The following SEC31B variants were observed in gnomAD, a reference collection of about 807,000 sequenced individuals.
SEC31B encodes the protein SEC31 homolog B, COPII component, also known as protein transport protein Sec31B.
A neutral mutation model predicts 135.0 loss-of-function variants in SEC31B; 113 were observed. That is an observed-to-expected ratio of 0.84 (90% CI 0.72 to 0.98). SEC31B has a LOEUF of 0.98. SEC31B is among the 50% of genes least tolerant of loss of function. SEC31B has a pLI of 0.00. For synonymous variants in SEC31B, 508 were observed against 549.4 expected (o/e 0.92, Z 1.05); for missense variants, 1,296 against 1,421.1 (o/e 0.91, Z 1.42).
chr10:100,505,942 C>A, intron 9 of SEC31B, 98 bp downstream of exon 9: 1 of 1,571,836 alleles, frequency 6.4e-7, no homozygotes. Context: ...GCCCTGGTCT[C>A]CCAATCTCCA....
At chr10:100,506,450 T>C (rs1183914633) in intron 7 of SEC31B, 30 bp from the exon 8 acceptor site, 1 of 1,603,330 alleles carries the variant, frequency 6.2e-7, no homozygotes, top group Admixed American at 1.7e-5. Flanking sequence ...GGAACTAGCA[T>C]TTGTTGAATG....
At chr10:100,517,142 A>T in intron 1 of SEC31B, 145 bp from the exon 2 acceptor site, 2 of 588,122 alleles carry the variant, frequency 3.4e-6, no homozygotes, top group South Asian at 4.1e-5. Context: ...AGATCTAAAG[A>T]TAGTTCATTC....
rs991639140 is a variant in SEC31B, at chr10:100,495,401, G to T, written c.2456C>A (p.Ser819Tyr). 1.2e-6 allele frequency: 2 copies of T among 1,613,788 alleles called. No individual in the cohort carries two copies. The highest frequency in any genetic ancestry group is 1.7e-5 in the Admixed American group (1 of 59,978). Residue 819 changes from serine to tyrosine, a missense_variant, in exon 19 of 26, where the codon TCC becomes TAC. Coordinates refer to ENST00000370345, the MANE Select transcript of SEC31B (RefSeq NM_015490.4). ...AGGTCTTACCTGGTGAGAAGGCTGG[G>T]ATCCCAATCTGTAAGATGATGTCTC... ...SKETSSYRLG[S>Y]QPSHQVPTPS...
intron 3 of SEC31B, among the ~76,000 whole-genome samples, chr10:100,514,984 A>T (rs2133699091): frequency 6.7e-6 from 1 of 149,456 alleles, no homozygotes; most frequent in South Asian, 2.1e-4. Context: ...CCATCTCAAA[A>T]AAAAAAAAAA....
intron 24 of SEC31B, among the ~76,000 whole-genome samples, chr10:100,488,322 G>A (rs1160625228): frequency 1.3e-5 from 2 of 152,092 alleles, no homozygotes; most frequent in African/African-American, 4.8e-5. Flanking sequence ...AGCCGGGTAT[G>A]GAGGTGGGCA....
rs1320499249 is a variant in SEC31B at position 100,506,391 on chromosome 10, G to C, written c.812C>G (p.Ala271Gly). Reference sequence around the variant, plus strand: ...ACTAGTGAGCAGCAGCTCAGCATCAGCCTGGCTCCATGACACTGACAAGAT... The same window carrying C: ...ACTAGTGAGCAGCAGCTCAGCATCACCCTGGCTCCATGACACTGACAAGAT... The part of the protein sequence containing the change: ...RGILSVSWSQ[A>G]DAELLLTSAK... The change falls in exon 8 of 26, where the codon GCT becomes GGT. Residue 271 changes from alanine to glycine, a missense_variant. Ala to Gly is a moderately conservative substitution (Grantham distance 60, BLOSUM62 0). Coordinates refer to ENST00000370345, the MANE Select transcript of SEC31B (RefSeq NM_015490.4). 1 of 1,614,040 alleles carries C rather than the reference G, an allele frequency of 6.2e-7. No individual in the cohort carries two copies. Among genetic ancestry groups the C allele is most frequent in the African/African-American group, 1.3e-5 (1 of 74,898 alleles).
rs778208381 is a variant in SEC31B, at chr10:100,490,334, C to T, written c.2651-12G>A. ...TGGCTGAGATGAAGCTGAAGCAGAA[C>T]AGAAATAGGTCATTTGTCACTAAAC... is the stretch of plus-strand genomic sequence containing the variant. On this transcript the variant is annotated splice_polypyrimidine_tract_variant and intron_variant, in intron 20 of 25. Transcript: ENST00000370345. 2.5e-6 allele frequency: 4 copies of T among 1,607,942 alleles called. No homozygotes were observed. The highest frequency in any genetic ancestry group is 3.4e-6 in the Non-Finnish European group (4 of 1,177,060).
At position 100,495,450 on chromosome 10, in the gene SEC31B, C is replaced by T; in HGVS notation, c.2407G>A (p.Val803Met). ...TCTTTAGAGTGGAGGGTAGCTCCCA[C>T]AACAATCCGGGGGAAGGGGAAAGGG... Reference protein sequence around the residue: ...SPPFPFPRIVVGATLHSKETS... With the variant: ...SPPFPFPRIVMGATLHSKETS... The change falls in exon 19 of 26, where the codon GTG becomes ATG. Residue 803 changes from valine to methionine, a missense_variant. Coordinates refer to ENST00000370345, the MANE Select transcript of SEC31B (RefSeq NM_015490.4). 6.2e-7 allele frequency: 1 copy of T among 1,613,808 alleles called. No homozygotes were observed. Among genetic ancestry groups the T allele is most frequent in the Non-Finnish European group, 8.5e-7 (1 of 1,179,874 alleles).
At position 100,488,853 on chromosome 10, in the gene SEC31B, C is replaced by CAGTA; in HGVS notation, c.3288+4_3288+5insTACT. 4.4e-6 allele frequency: 7 copies of CAGTA among 1,583,478 alleles called. No individual in the cohort carries two copies. The highest frequency in any genetic ancestry group is 5.1e-6 in the Non-Finnish European group (6 of 1,165,722). On this transcript the variant is annotated splice_donor_region_variant and intron_variant, in intron 24 of 25. Coordinates refer to ENST00000370345, the MANE Select transcript of SEC31B (RefSeq NM_015490.4). Reference sequence around the variant, plus strand: ...GAGGGCACTGTGAAGAAGGTTCAGACTTACTAAGTCAGTTGCAGACAGGGA... The same window carrying CAGTA: ...GAGGGCACTGTGAAGAAGGTTCAGACAGTATTACTAAGTCAGTTGCAGACAGGGA...
At position 100,490,607 on chromosome 10, in the gene SEC31B, T is replaced by C. The variant is rs999760063; in HGVS notation, c.2650+99A>G. The C allele has an allele frequency of 6.1e-5, 76 of 1,243,134 alleles. No homozygotes were observed. In the Middle Eastern group the frequency reaches 1.4e-3, roughly 23 times the overall value. 77.0% of individuals were successfully genotyped at this position (1,243,134 alleles called of 1,614,324 possible). A position where few individuals can be genotyped will look rare whatever the true frequency, so the allele number is the denominator to read the frequency against. On this transcript the variant is annotated intron_variant, in intron 20 of 25. Coordinates refer to ENST00000370345, the MANE Select transcript of SEC31B (RefSeq NM_015490.4). ...ACTTCAACTTCCAAGCTCCTCTCAC[T>C]AGACAGACATACAGCTTCCCAAATC...
chr10:100,489,182 T>A, intron 23 of SEC31B, 70 bp downstream of exon 23: 1 of 1,509,082 alleles, frequency 6.6e-7, no homozygotes, highest in Non-Finnish European at 8.8e-7. Context: ...ATGAGGCCCA[T>A]CTACCATGAC....
In SEC31B at chr10:100,489,308, G is replaced by A. The variant is rs1851253415; in HGVS notation, c.3115C>T (p.Pro1039Ser). 8 of 1,613,660 alleles carry A rather than the reference G, an allele frequency of 5.0e-6. No homozygotes were observed. The highest frequency in any genetic ancestry group is 5.9e-6 in the Non-Finnish European group (7 of 1,179,880). The change falls in exon 23 of 26, where the codon CCT becomes TCT. Residue 1039 changes from proline (P) to serine (S), a missense_variant. By Grantham distance (74) the Pro-to-Ser change is moderately conservative. Transcript: ENST00000370345. Reference sequence around the variant, plus strand: ...GGAGCATGACTCACACTGGAGACAGGGGGCTGTGAGGGAAGAATCCCTTGT... The same window carrying A: ...GGAGCATGACTCACACTGGAGACAGAGGGCTGTGAGGGAAGAATCCCTTGT... Reference protein sequence around the residue: ...ELQGILPSQPPVSSVSHAPPG... With the variant: ...ELQGILPSQPSVSSVSHAPPG...
Position 100,490,291 on chromosome 10 carries a change from T to G in SEC31B, c.2682A>C (p.Gln894His). The G allele has an allele frequency of 1.2e-6, 2 of 1,613,786 alleles. No individual in the cohort carries two copies. The highest frequency in any genetic ancestry group is 1.7e-6 in the Non-Finnish European group (2 of 1,179,860). The change falls in exon 21 of 26, where the codon CAA (glutamine) becomes CAC (histidine). Residue 894 changes from glutamine to histidine, a missense_variant. Gln to His is a conservative substitution (Grantham distance 24, BLOSUM62 0). Transcript: ENST00000370345. Reference protein sequence around the residue: ...ASSQPQLLGGQRVQVPNPVGF... With the variant: ...ASSQPQLLGGHRVQVPNPVGF... ...CCACCGGGTTAGGAACTTGCACCCT[T>G]TGCCCTCCTAATAGCTGTGGCTGAG...
At chr10:100,497,600 T>A (rs907343642) in intron 16 of SEC31B, 67 bp downstream of exon 16, 1 of 1,611,058 alleles carries the variant, frequency 6.2e-7, no homozygotes, top group African/African-American at 1.3e-5. Flanking sequence ...ACCTCCCTCC[T>A]GCATGCATCC....
intron 24 of SEC31B, 52 bp from the exon 25 acceptor site, chr10:100,488,150 C>T: frequency 6.7e-7 from 1 of 1,500,800 alleles, no homozygotes; most frequent in African/African-American, 1.4e-5. Context: ...TAACACCACA[C>T]AGGGCCATAA....
intron 10 of SEC31B, among the ~76,000 whole-genome samples, chr10:100,503,411 C>T (rs1029604185): frequency 6.6e-6 from 1 of 151,600 alleles, no homozygotes. Context: ...CAGGTTATTC[C>T]AATGTGTATC....
chr10:100,504,915 A>G (rs7070776), intron 10 of SEC31B, among the ~76,000 whole-genome samples: 35,081 of 151,968 alleles, frequency 0.23, 4,230 homozygotes, highest in African/African-American at 0.28. Flanking sequence ...AGAATGAGAC[A>G]GAAATGGAAA....
intron 5 of SEC31B, 62 bp from the exon 6 acceptor site, chr10:100,508,113 C>T (rs1851668349): frequency 2.5e-6 from 4 of 1,591,772 alleles, no homozygotes. Flanking sequence ...GTGACATCTG[C>T]TGTTCCACTG....
Position 100,516,328 on chromosome 10 carries a change from C to T in SEC31B, c.80-109G>A, listed in dbSNP as rs1851844626. On this transcript the variant is annotated intron_variant, in intron 2 of 25. Coordinates refer to ENST00000370345, the MANE Select transcript of SEC31B (RefSeq NM_015490.4). ...GGAACAGAAGAGGGCTGGGTATACC[C>T]TTTCTCAAAGGTAACTCCACAAAAG... The T allele has an allele frequency of 5.4e-6, 7 of 1,292,350 alleles. No individual in the cohort carries two copies. In the South Asian group the frequency reaches 8.8e-5, roughly 16 times the overall value. The allele number at this position is 1,292,350 out of a possible 1,614,324, so 80.1% of individuals were successfully genotyped here.
Sources: allele counts gnomAD v4.1 joint callset (sites outside exome capture counted in the v4.1 genomes callset), GRCh38; gene constraint gnomAD v4.1.1; transcripts MANE v1.5; gene names NCBI Gene and HGNC (gene_info 2026-07-23, HGNC 2026-07-21).